The following NUDT9 variants were observed in gnomAD, a reference collection of about 807,000 sequenced individuals.
NUDT9 encodes ADP-ribose pyrophosphatase.
A neutral mutation model predicts 41.0 loss-of-function variants in NUDT9; 31 were observed. That is an observed-to-expected ratio of 0.76 (90% CI 0.57 to 1.02). The LOEUF (loss-of-function observed/expected upper bound fraction) is 1.02, where lower values mean the gene tolerates loss of function less well. Ranked by LOEUF, NUDT9 falls within the 50% of genes least tolerant of loss-of-function variation. The probability of loss-of-function intolerance (pLI) is 0.00; values close to 1 mark genes in which losing one functional copy is unlikely to be tolerated. For missense variants in NUDT9, 380 were observed against 431.4 expected (o/e 0.88, Z 1.06); for synonymous variants, 146 against 147.6 (o/e 0.99, Z 0.08).
intron 7 of NUDT9, among the ~76,000 whole-genome samples, chr4:87,455,164 T>C (rs970057107): frequency 6.6e-6 from 1 of 152,268 alleles, no homozygotes; most frequent in African/African-American, 2.4e-5. Flanking sequence ...CTTTCTGAGC[T>C]GTGTAACCTT....
chr4:87,422,676 G>C lies in NUDT9; in HGVS notation c.-230G>C, dbSNP rs918248010. 4 of 403,926 alleles carry C rather than the reference G, an allele frequency of 9.9e-6. No homozygotes were observed. Among genetic ancestry groups the C allele is most frequent in the African/African-American group, 4.1e-5 (2 of 48,238 alleles). 25.0% of individuals were successfully genotyped at this position (403,926 alleles called of 1,614,324 possible). ...CTGGAGGCTTCGGCGTCACGTGCTG[G>C]TCTGGATTTTTCTCGATGCACTGGG... On this transcript the variant is annotated 5_prime_UTR_variant, in exon 1 of 8. Transcript: ENST00000302174.
chr4:87,423,112 C>T, intron 1 of NUDT9, 100 bp downstream of exon 1: 1 of 787,578 alleles, frequency 1.3e-6, no homozygotes, highest in Non-Finnish European at 2.0e-6. Flanking sequence ...TTTGCTTTGC[C>T]TCTCGGGTTT....
At position 87,451,556 on chromosome 4, in the gene NUDT9, C is replaced by G. The variant is rs80197853; in HGVS notation, c.643-33C>G. Reference sequence around the variant, plus strand: ...ATTTGTTGAACAAATCAAAGCTGATCCCTTTTTTCAAAATTTTTAATGTGA... The same window carrying G: ...ATTTGTTGAACAAATCAAAGCTGATGCCTTTTTTCAAAATTTTTAATGTGA... On this transcript the variant is annotated intron_variant, in intron 5 of 7. Transcript: ENST00000302174. 8.7e-5 allele frequency: 138 copies of G among 1,577,906 alleles called. No homozygotes were observed. The African/African-American group carries it at 1.2e-3, about 14-fold the overall frequency.
At chr4:87,440,430 G>A (rs1160775365) in intron 3 of NUDT9, among the ~76,000 whole-genome samples, 1 of 152,176 alleles carries the variant, frequency 6.6e-6, no homozygotes, top group African/African-American at 2.4e-5. Context: ...TTTTAATATA[G>A]TCTGTGTGTC....
At chr4:87,451,845 T>C (rs914577813) in intron 6 of NUDT9, 110 bp downstream of exon 6, 1 of 871,518 alleles carries the variant, frequency 1.1e-6, no homozygotes, top group East Asian at 2.5e-5. Flanking sequence ...GGAATACTTG[T>C]ATATTTAAAA....
At chr4:87,456,855 C>A (rs1723013093) in intron 7 of NUDT9, among the ~76,000 whole-genome samples, 1 of 152,146 alleles carries the variant, frequency 6.6e-6, no homozygotes, top group South Asian at 2.1e-4. Flanking sequence ...CGCTTGTACT[C>A]AGGACGCGGA....
intron 1 of NUDT9, among the ~76,000 whole-genome samples, chr4:87,423,794 G>A (rs1721269756): frequency 6.6e-6 from 1 of 152,128 alleles, no homozygotes; most frequent in Non-Finnish European, 1.5e-5. Flanking sequence ...CTTGTTTTCA[G>A]TACATGGGTC....
At chr4:87,436,535 T>C (rs1283926710) in intron 2 of NUDT9, among the ~76,000 whole-genome samples, 5 of 152,142 alleles carry the variant, frequency 3.3e-5, no homozygotes, top group Non-Finnish European at 7.4e-5. Flanking sequence ...GGTCTCGAAC[T>C]CCTGAGCTCA....
chr4:87,441,367 A>G (rs1156551669), intron 3 of NUDT9, among the ~76,000 whole-genome samples: 1 of 152,208 alleles, frequency 6.6e-6, no homozygotes, highest in Non-Finnish European at 1.5e-5. Context: ...ATATGCTACA[A>G]ATATATATTA....
At chr4:87,424,288 T>A (rs1721305309) in intron 1 of NUDT9, among the ~76,000 whole-genome samples, 2 of 142,518 alleles carry the variant, frequency 1.4e-5, no homozygotes, top group Non-Finnish European at 1.5e-5. Flanking sequence ...GAGAAGGAGT[T>A]TCGCTCTGTC....
At chr4:87,439,951 C>T (rs1340793627) in intron 3 of NUDT9, among the ~76,000 whole-genome samples, 1 of 152,142 alleles carries the variant, frequency 6.6e-6, no homozygotes, top group Admixed American at 6.5e-5. Flanking sequence ...TTCTTGGTTC[C>T]TGTAAGACAA....
intron 2 of NUDT9, 78 bp downstream of exon 2, chr4:87,435,298 G>A (rs1320830197): frequency 6.9e-7 from 1 of 1,453,402 alleles, no homozygotes; most frequent in African/African-American, 1.4e-5. Flanking sequence ...GTATCTTTTT[G>A]ACACCTGAAA....
intron 2 of NUDT9, among the ~76,000 whole-genome samples, chr4:87,437,127 G>A (rs988107329): frequency 2.6e-5 from 4 of 151,402 alleles, no homozygotes; most frequent in Non-Finnish European, 4.4e-5. Flanking sequence ...GCATGTTCCT[G>A]TAGTCCCAGC....
chr4:87,439,864 A>G (rs1299670975), intron 3 of NUDT9, among the ~76,000 whole-genome samples: 3 of 152,186 alleles, frequency 2.0e-5, no homozygotes, highest in Admixed American at 1.3e-4. Flanking sequence ...AAAAATTAGC[A>G]TGTACCAAAT....
chr4:87,422,751 G>T lies in NUDT9; in HGVS notation c.-155G>T, dbSNP rs1423564190. The T allele has an allele frequency of 5.4e-6, 3 of 557,914 alleles. No individual in the cohort carries two copies. Among genetic ancestry groups the T allele is most frequent in the Non-Finnish European group, 9.4e-6 (3 of 317,572 alleles). 34.6% of individuals were successfully genotyped at this position (557,914 alleles called of 1,614,324 possible). A position where few individuals can be genotyped will look rare whatever the true frequency, so the allele number is the denominator to read the frequency against. On this transcript the variant is annotated 5_prime_UTR_variant, in exon 1 of 8. An upstream open reading frame in the 5' UTR loses its in-frame stop. Coordinates refer to ENST00000302174, the MANE Select transcript of NUDT9 (RefSeq NM_024047.5). ...GAGGGCTCTTGATCTGTGATTTATA[G>T]ATAGGCACAGCTACTCCCGTTCGGG...
rs184888031 is a variant in NUDT9, at chr4:87,426,124, A to G, written c.107+3112A>G. On this transcript the variant is annotated intron_variant, in intron 1 of 7. Coordinates refer to ENST00000302174, the MANE Select transcript of NUDT9 (RefSeq NM_024047.5). ...CACTGCTCCCAGTCATCAAATGTAC[A>G]TTTTCTAGAAAAAAGGTAGTATATT... 1.8e-4 allele frequency among the ~76,000 whole-genome samples: 28 copies of G among 152,192 alleles called. No homozygotes were observed. The East Asian group carries it at 3.7e-3, about 20-fold the overall frequency.
chr4:87,423,009 T>C lies in NUDT9; in HGVS notation c.104T>C (p.Phe35Ser). 6.2e-7 allele frequency: 1 copy of C among 1,612,284 alleles called. No individual in the cohort carries two copies. Among genetic ancestry groups the C allele is most frequent in the Non-Finnish European group, 8.5e-7 (1 of 1,179,052 alleles). The part of the protein sequence containing the change: ...RSSRCRGIQA[F>S]RNSFSSSWFH... ...TCGCGCTGCCGCGGCATCCAGGCGTTCAGGTATTCCACCCTCCTACTACCG... is the reference window on the plus strand; with the variant it reads ...TCGCGCTGCCGCGGCATCCAGGCGTCCAGGTATTCCACCCTCCTACTACCG... Residue 35 changes from phenylalanine to serine, a missense_variant, in exon 1 of 8, where the codon TTC (phenylalanine) becomes TCC (serine). By Grantham distance (155) the Phe-to-Ser change is radical. Coordinates refer to ENST00000302174, the MANE Select transcript of NUDT9 (RefSeq NM_024047.5).
chr4:87,430,069 A>C (rs975095635), intron 1 of NUDT9, among the ~76,000 whole-genome samples: 1 of 152,138 alleles, frequency 6.6e-6, no homozygotes, highest in Non-Finnish European at 1.5e-5. Flanking sequence ...GGTGCGCCTG[A>C]TTTAATTGAG....
rs373370759 is a variant in NUDT9, at chr4:87,452,163, C to T, written c.789+428C>T. Among the ~76,000 whole-genome samples the T allele has an allele frequency of 7.2e-4, 109 of 151,988 alleles. 1 individual carries two copies. The highest frequency in any genetic ancestry group is 1.5e-3 in the African/African-American group (61 of 41,466). On this transcript the variant is annotated intron_variant, in intron 6 of 7. Transcript: ENST00000302174. The stretch of plus-strand genomic sequence containing the variant: ...GATTACAGGCTTCCACCACCACGCC[C>T]GGCTAATTTTTGTATTTTTAGTAGA...
Sources: gnomAD v4.1 joint callset for allele counts (sites outside exome capture counted in the v4.1 genomes callset) on GRCh38, gnomAD v4.1.1 for gene constraint, MANE v1.5 for transcripts, NCBI Gene and HGNC (gene_info 2026-07-23, HGNC 2026-07-21) for gene names.